LPP: variants seen among roughly 807,000 people sequenced by gnomAD.
LPP encodes the protein lipoma-preferred partner.
LPP carries 38 observed loss-of-function variants against 60.4 expected under a neutral mutation model. That is an observed-to-expected ratio of 0.63 (90% CI 0.49 to 0.83). The LOEUF is 0.83. Among genes scored for constraint, LPP ranks in the 40% least tolerant of loss-of-function variants. The pLI is 0.00. For missense variants in LPP, 902 were observed against 783.6 expected, an observed-to-expected ratio of 1.15 and a Z score of -1.80; for synonymous variants, 328 against 290.8, an observed-to-expected ratio of 1.13 and a Z score of -1.30.
intron 6 of LPP, among the ~76,000 whole-genome samples, chr3:188,565,279 G>C (rs187222060): frequency 6.6e-6 from 1 of 152,064 alleles, no homozygotes; most frequent in Admixed American, 6.6e-5. Flanking sequence ...AACATTGTAT[G>C]TACTTCTCTA....
intron 6 of LPP, among the ~76,000 whole-genome samples, chr3:188,578,376 T>A (rs1835258927): frequency 1.3e-5 from 2 of 152,180 alleles, no homozygotes; most frequent in Non-Finnish European, 2.9e-5. Flanking sequence ...ATACTTTATT[T>A]TCTTCTTTCT....
chr3:188,282,053 C>G (rs746007750), intron 2 of LPP, among the ~76,000 whole-genome samples: 1 of 151,838 alleles, frequency 6.6e-6, no homozygotes, highest in Non-Finnish European at 1.5e-5. Context: ...CCTTCTCCTC[C>G]CCTCCTCTCT....
chr3:188,452,227 T>G (rs1217421021), intron 4 of LPP, among the ~76,000 whole-genome samples: 1 of 152,220 alleles, frequency 6.6e-6, no homozygotes, highest in East Asian at 1.9e-4. Context: ...CTCACTGTTA[T>G]CAATGAATAT....
At chr3:188,561,439 T>C (rs1248150971) in intron 6 of LPP, among the ~76,000 whole-genome samples, 3 of 152,104 alleles carry the variant, frequency 2.0e-5, no homozygotes, top group Non-Finnish European at 4.4e-5. Flanking sequence ...ATCCATTCTA[T>C]ACTTATTAAT....
At chr3:188,432,889 C>T (rs1358685962) in intron 4 of LPP, among the ~76,000 whole-genome samples, 1 of 152,090 alleles carries the variant, frequency 6.6e-6, no homozygotes, top group East Asian at 1.9e-4. Flanking sequence ...TCAGTGCGAA[C>T]ACACATGCAT....
chr3:188,240,585 T>G (rs148524264), intron 2 of LPP, among the ~76,000 whole-genome samples: 1 of 152,270 alleles, frequency 6.6e-6, no homozygotes, highest in Non-Finnish European at 1.5e-5. Flanking sequence ...TCCACTGTTA[T>G]TGAGTAGTTA....
At chr3:188,620,287 C>T (rs1403784314) in intron 7 of LPP, among the ~76,000 whole-genome samples, 1 of 152,078 alleles carries the variant, frequency 6.6e-6, no homozygotes. Context: ...AATTTCTTTA[C>T]ACCAGGAAGA....
intron 3 of LPP, among the ~76,000 whole-genome samples, chr3:188,366,543 C>T (rs1771228813): frequency 6.6e-6 from 1 of 152,194 alleles, no homozygotes; most frequent in African/African-American, 2.4e-5. Flanking sequence ...CACCCAGGTG[C>T]TGCACTCTCG....
intron 8 of LPP, among the ~76,000 whole-genome samples, chr3:188,728,370 T>C (rs944470203): frequency 7.2e-5 from 11 of 152,340 alleles, no homozygotes; most frequent in Admixed American, 2.6e-4. Context: ...CCTGCGTCTT[T>C]TGACTTATAA....
chr3:188,225,977 A>C (rs1349692082), intron 2 of LPP, among the ~76,000 whole-genome samples: 1 of 152,184 alleles, frequency 6.6e-6, no homozygotes, highest in Non-Finnish European at 1.5e-5. Context: ...CCCTTGTGCA[A>C]AGTGCTGCTT....
In LPP at chr3:188,197,141, C is replaced by A. The variant is rs967474409; in HGVS notation, c.-189-28264C>A. 5.9e-5 allele frequency among the ~76,000 whole-genome samples: 9 copies of A among 152,096 alleles called. 1 individual carries two copies. The highest frequency in any genetic ancestry group is 5.9e-4 in the Admixed American group (9 of 15,270). On this transcript the variant is annotated intron_variant, in intron 1 of 11. Transcript: ENST00000617246. ...CATTGTGGGAGTTGAGATAAAAATT[C>A]TAGCCAGGTAGGGATGGGAGCATGG...
At chr3:188,825,509 G>A (rs183547285) in intron 9 of LPP, among the ~76,000 whole-genome samples, 7 of 152,142 alleles carry the variant, frequency 4.6e-5, no homozygotes, top group Admixed American at 6.6e-5. Context: ...CCCAAGACAG[G>A]AAACATGTAT....
At chr3:188,499,447 G>T (rs915554744) in intron 5 of LPP, among the ~76,000 whole-genome samples, 3 of 151,990 alleles carry the variant, frequency 2.0e-5, no homozygotes, top group African/African-American at 7.2e-5. Context: ...ATATCTGAGG[G>T]TTTATTTCTG....
intron 5 of LPP, among the ~76,000 whole-genome samples, chr3:188,512,044 C>G (rs1244999741): frequency 6.6e-6 from 1 of 152,186 alleles, no homozygotes; most frequent in African/African-American, 2.4e-5. Context: ...CTTCACTATA[C>G]AAACTACCTT....
intron 2 of LPP, among the ~76,000 whole-genome samples, chr3:188,323,300 TA>T (rs1560247609): frequency 6.6e-6 from 1 of 152,164 alleles, no homozygotes; most frequent in African/African-American, 2.4e-5. Flanking sequence ...ACAGTGTGGG[TA>T]ACTAGAAGGA....
At chr3:188,462,585 T>A (rs1292593640) in intron 4 of LPP, among the ~76,000 whole-genome samples, 1 of 22,628 alleles carries the variant, frequency 4.4e-5, no homozygotes, top group Non-Finnish European at 8.8e-5. Context: ...TATATATATA[T>A]GCATGTGTGT....
chr3:188,230,849 G>A (rs1438312552), intron 2 of LPP, among the ~76,000 whole-genome samples: 2 of 152,132 alleles, frequency 1.3e-5, no homozygotes, highest in Non-Finnish European at 2.9e-5. Context: ...AGCTTGGATG[G>A]GTGCCACAAG....
At position 188,479,813 on chromosome 3, in the gene LPP, G is replaced by A. The variant is rs1245699685; in HGVS notation, c.194-4779G>A. 2.0e-5 allele frequency among the ~76,000 whole-genome samples: 3 copies of A among 152,252 alleles called. No individual in the cohort carries two copies. The East Asian group carries it at 5.8e-4, about 29-fold the overall frequency. ...TGAAGAAGAGCATGATGCTTTCTTTGTTTTCTTTTTGTACCACAGTAAATG... is the reference window on the plus strand; with the variant it reads ...TGAAGAAGAGCATGATGCTTTCTTTATTTTCTTTTTGTACCACAGTAAATG... On this transcript the variant is annotated intron_variant, in intron 4 of 11. Transcript: ENST00000617246.
intron 1 of LPP, among the ~76,000 whole-genome samples, chr3:188,157,545 T>C (rs141557235): frequency 1.8e-3 from 271 of 152,028 alleles, no homozygotes; most frequent in African/African-American, 6.3e-3. Context: ...GACAGGGAGA[T>C]AGAAAATGGC....
Sources: allele counts gnomAD v4.1 joint callset (sites outside exome capture counted in the v4.1 genomes callset), GRCh38; gene constraint gnomAD v4.1.1; transcripts MANE v1.5; gene names NCBI Gene and HGNC (gene_info 2026-07-23, HGNC 2026-07-21).